The following CNTNAP5 variants were observed in gnomAD, a reference collection of about 807,000 sequenced individuals.
CNTNAP5 encodes the protein contactin-associated protein-like 5.
CNTNAP5 carries 72 observed loss-of-function variants against 150.2 expected under a neutral mutation model. That is an observed-to-expected ratio of 0.48 (90% CI 0.40 to 0.58). CNTNAP5 has a LOEUF of 0.58. Among genes scored for constraint, CNTNAP5 ranks in the 20% least tolerant of loss-of-function variants. The pLI is 0.00. For synonymous variants in CNTNAP5, 672 were observed against 619.8 expected, an observed-to-expected ratio of 1.08 and a Z score of -1.25; for missense variants, 1,636 against 1,626.2, an observed-to-expected ratio of 1.01 and a Z score of -0.10.
intron 3 of CNTNAP5, among the ~76,000 whole-genome samples, chr2:124,266,670 G>A (rs1316746062): frequency 6.6e-6 from 1 of 152,092 alleles, no homozygotes; most frequent in African/African-American, 2.4e-5. Flanking sequence ...TTTGACTGAT[G>A]TGTTAGTGTT....
chr2:124,060,734 ATACACT>A lies in CNTNAP5; in HGVS notation c.82+35005_82+35010del, dbSNP rs542805021. Among the ~76,000 whole-genome samples, 15 of 152,304 alleles carry A rather than the reference ATACACT, an allele frequency of 9.8e-5. No homozygotes were observed. In the South Asian group the frequency reaches 2.3e-3, roughly 23 times the overall value. ...AAAATCCATACCTGGAGATTCAGAA[ATACACT>A]TAAGATAAAATGGGGCTTTCTAGTC... On this transcript the variant is annotated intron_variant, in intron 1 of 23. Coordinates refer to ENST00000682447, the MANE Select transcript of CNTNAP5 (RefSeq NM_001367498.1).
rs74458790 is a variant in CNTNAP5 at position 124,190,390 on chromosome 2, C to T, written c.83-31315C>T. On this transcript the variant is annotated intron_variant, in intron 1 of 23. Transcript: ENST00000682447. ...ATTAGGGAGGAGGAGGAGATGAGTG[C>T]GTGAGTTTCCACTTACACACTTTTT... 8.2e-3 allele frequency among the ~76,000 whole-genome samples: 1,249 copies of T among 152,150 alleles called. 17 individuals carry two copies. Among genetic ancestry groups the T allele is most frequent in the African/African-American group, 0.028 (1,144 of 41,498 alleles).
intron 19 of CNTNAP5, among the ~76,000 whole-genome samples, chr2:124,807,968 T>C (rs1311363556): frequency 1.3e-5 from 2 of 152,164 alleles, no homozygotes; most frequent in African/African-American, 4.8e-5. Flanking sequence ...ATTTGTACTT[T>C]GATGCACAAG....
intron 3 of CNTNAP5, among the ~76,000 whole-genome samples, chr2:124,357,089 C>T: frequency 6.6e-6 from 1 of 152,162 alleles, no homozygotes; most frequent in East Asian, 1.9e-4. Flanking sequence ...GTGCTTTTGG[C>T]TGCATAAATG....
intron 1 of CNTNAP5, among the ~76,000 whole-genome samples, chr2:124,207,010 A>T (rs866561801): frequency 6.6e-6 from 1 of 152,238 alleles, no homozygotes; most frequent in South Asian, 2.1e-4. Flanking sequence ...CTGTATGGCA[A>T]ATATGATGTT....
chr2:124,283,027 A>G (rs977564217), intron 3 of CNTNAP5, among the ~76,000 whole-genome samples: 1 of 148,260 alleles, frequency 6.7e-6, no homozygotes, highest in African/African-American at 2.5e-5. Context: ...CTTTCGGGTC[A>G]CCATGAAAAC....
At chr2:124,679,100 G>C (rs1015567508) in intron 13 of CNTNAP5, among the ~76,000 whole-genome samples, 2 of 151,900 alleles carry the variant, frequency 1.3e-5, no homozygotes, top group Non-Finnish European at 2.9e-5. Context: ...AATGGCCAGA[G>C]TCAAAGTCAC....
intron 3 of CNTNAP5, among the ~76,000 whole-genome samples, chr2:124,334,612 T>C (rs1326496571): frequency 1.3e-5 from 2 of 152,130 alleles, no homozygotes; most frequent in Admixed American, 6.5e-5. Context: ...CTGAACTGAA[T>C]TGGGGAAGGA....
At chr2:124,777,775 A>ATGTGTGTGTGTG (rs35863925) in intron 17 of CNTNAP5, among the ~76,000 whole-genome samples, 16 of 130,690 alleles carry the variant, frequency 1.2e-4, no homozygotes, top group East Asian at 9.6e-4. Flanking sequence ...GAATGGAGGG[A>ATGTGTGTGTGTG]TGTGTGTGTG....
At chr2:124,824,728 CT>C (rs1682558891) in intron 19 of CNTNAP5, among the ~76,000 whole-genome samples, 1 of 152,206 alleles carries the variant, frequency 6.6e-6, no homozygotes, top group Admixed American at 6.5e-5. Context: ...TCAGTAGTGT[CT>C]GCCTGGGGTA....
chr2:124,630,135 T>C (rs1226330400), intron 12 of CNTNAP5, among the ~76,000 whole-genome samples: 1 of 151,964 alleles, frequency 6.6e-6, no homozygotes, highest in African/African-American at 2.4e-5. Flanking sequence ...AGCTGAACTC[T>C]ACCAGAGGTA....
chr2:124,032,430 A>T (rs1192404264), intron 1 of CNTNAP5, among the ~76,000 whole-genome samples: 3 of 152,186 alleles, frequency 2.0e-5, no homozygotes, highest in Non-Finnish European at 4.4e-5. Flanking sequence ...TGCTTTAAAA[A>T]AATTACTCTG....
intron 3 of CNTNAP5, among the ~76,000 whole-genome samples, chr2:124,246,416 A>G (rs1687030203): frequency 6.6e-6 from 1 of 152,150 alleles, no homozygotes; most frequent in South Asian, 2.1e-4. Context: ...ATAATCAGGC[A>G]TGAAGGTGTG....
At chr2:124,813,056 G>T (rs1332314891) in intron 19 of CNTNAP5, among the ~76,000 whole-genome samples, 4 of 151,228 alleles carry the variant, frequency 2.6e-5, no homozygotes, top group African/African-American at 9.8e-5. Flanking sequence ...GTCAGCTCTG[G>T]GTTTTTTTTG....
At chr2:124,725,691 T>C (rs1334139674) in intron 13 of CNTNAP5, among the ~76,000 whole-genome samples, 2 of 152,056 alleles carry the variant, frequency 1.3e-5, no homozygotes, top group African/African-American at 4.8e-5. Context: ...ACTGAAACTT[T>C]GTACTCTTCG....
intron 2 of CNTNAP5, among the ~76,000 whole-genome samples, chr2:124,241,355 ACT>A (rs1686881484): frequency 6.6e-6 from 1 of 151,734 alleles, no homozygotes; most frequent in Non-Finnish European, 1.5e-5. Context: ...AATGTTAGAG[ACT>A]CTGTCATGCC....
intron 19 of CNTNAP5, among the ~76,000 whole-genome samples, chr2:124,805,323 G>T (rs983243662): frequency 6.6e-6 from 1 of 152,110 alleles, no homozygotes; most frequent in Admixed American, 6.6e-5. Flanking sequence ...GTGTGTGTGT[G>T]TATATAGAGA....
intron 7 of CNTNAP5, among the ~76,000 whole-genome samples, chr2:124,502,682 C>T (rs1296382884): frequency 6.6e-6 from 1 of 152,162 alleles, no homozygotes; most frequent in Non-Finnish European, 1.5e-5. Context: ...AATGAGTTGG[C>T]CATCATTGGT....
At chr2:124,233,694 T>C (rs779385195) in intron 2 of CNTNAP5, among the ~76,000 whole-genome samples, 3 of 151,912 alleles carry the variant, frequency 2.0e-5, no homozygotes, top group Non-Finnish European at 4.4e-5. Context: ...CTTTCCTCTT[T>C]CTCTCCTTTC....
Sources: gnomAD v4.1 joint callset for allele counts (sites outside exome capture counted in the v4.1 genomes callset) on GRCh38, gnomAD v4.1.1 for gene constraint, MANE v1.5 for transcripts, NCBI Gene and HGNC (gene_info 2026-07-23, HGNC 2026-07-21) for gene names.